METAP1D: variants seen among roughly 807,000 people sequenced by gnomAD.
METAP1D encodes methionine aminopeptidase 1D, mitochondrial.
METAP1D carries 31 observed loss-of-function variants against 40.5 expected under a neutral mutation model. The observed-to-expected ratio is 0.77, with a 90% CI of 0.58 to 1.03. The LOEUF (loss-of-function observed/expected upper bound fraction) is 1.03. Ranked by LOEUF, METAP1D falls within the 50% of genes least tolerant of loss-of-function variation. The pLI is 0.00. For synonymous variants in METAP1D, 151 were observed against 146.4 expected (o/e 1.03, Z -0.22); for missense variants, 411 against 420.7 (o/e 0.98, Z 0.20).
At position 172,036,415 on chromosome 2, in the gene METAP1D, A is replaced by G. The variant is rs373166472; in HGVS notation, c.41-25083A>G. Among the ~76,000 whole-genome samples the G allele has an allele frequency of 2.1e-3, 309 of 146,936 alleles. 1 individual carries two copies. Among genetic ancestry groups the G allele is most frequent in the South Asian group, 0.018 (83 of 4,516 alleles). ...CTTTTTTTTTTTGTCGCCCAGGCTG[A>G]AGTGCAGTGGCGTGATCTTGGCTCA... On this transcript the variant is annotated intron_variant, in intron 1 of 9. Coordinates refer to ENST00000315796, the MANE Select transcript of METAP1D (RefSeq NM_199227.3).
At position 172,081,857 on chromosome 2, in the gene METAP1D, A is replaced by G. The variant is rs1282979419; in HGVS notation, c.*1451A>G. 2.0e-5 allele frequency: 3 copies of G among 152,202 alleles called. No homozygotes were observed. The highest frequency in any genetic ancestry group is 2.9e-5 in the Non-Finnish European group (2 of 68,054). 9.4% of individuals were successfully genotyped at this position (152,202 alleles called of 1,614,324 possible). On this transcript the variant is annotated 3_prime_UTR_variant, in exon 10 of 10. Coordinates refer to ENST00000315796, the MANE Select transcript of METAP1D (RefSeq NM_199227.3). The stretch of plus-strand genomic sequence containing the variant: ...GGACTAAGAGCCAGCTCATCTTTGT[A>G]ACATTCATAATACGGGAAACTGAGG...
chr2:172,023,948 G>A (rs764818275), intron 1 of METAP1D, among the ~76,000 whole-genome samples: 25 of 150,426 alleles, frequency 1.7e-4, no homozygotes, highest in Non-Finnish European at 3.2e-4. Context: ...TCTGCCTCCT[G>A]GGTTCACGCC....
chr2:172,015,739 C>T (rs536915209), intron 1 of METAP1D, among the ~76,000 whole-genome samples: 12 of 152,030 alleles, frequency 7.9e-5, no homozygotes, highest in African/African-American at 1.9e-4. Context: ...ATGGGAGGAT[C>T]GCTTAAGGCC....
At chr2:172,065,550 A>T in intron 3 of METAP1D, 54 bp from the exon 4 acceptor site, 1 of 1,586,588 alleles carries the variant, frequency 6.3e-7, no homozygotes, top group South Asian at 1.1e-5. Context: ...TAGTTGATAA[A>T]TACAAGAAAT....
intron 1 of METAP1D, among the ~76,000 whole-genome samples, chr2:172,032,180 T>G (rs890218280): frequency 3.3e-5 from 5 of 152,208 alleles, no homozygotes; most frequent in African/African-American, 9.6e-5. Context: ...TCTTGTTACC[T>G]CTAATCTCCC....
chr2:172,002,552 C>G (rs1688491058), intron 1 of METAP1D, among the ~76,000 whole-genome samples: 1 of 152,086 alleles, frequency 6.6e-6, no homozygotes, highest in African/African-American at 2.4e-5. Context: ...CAAAGTGTTG[C>G]AACAACCAAG....
chr2:172,061,452 T>G, intron 1 of METAP1D, 46 bp from the exon 2 acceptor site: 2 of 1,530,828 alleles, frequency 1.3e-6, no homozygotes, highest in Non-Finnish European at 1.8e-6. Flanking sequence ...TGGAGGACTG[T>G]GTTAGGTTGT....
rs761499856 is a variant in METAP1D, at chr2:172,063,816, C to A, written c.304C>A (p.Gln102Lys). Reference sequence around the variant, plus strand: ...GATTCAAGGGCTTCATCAGGCTTGTCAGCTGGCCCGCCACGTCCTCCTCTT... The same window carrying A: ...GATTCAAGGGCTTCATCAGGCTTGTAAGCTGGCCCGCCACGTCCTCCTCTT... ...DQIQGLHQAC[Q>K]LARHVLLLAG... Residue 102 changes from glutamine to lysine, a missense_variant, in exon 3 of 10, where the codon CAG becomes AAG. Transcript: ENST00000315796. 1.4e-5 allele frequency: 22 copies of A among 1,614,022 alleles called. No homozygotes were observed. The highest frequency in any genetic ancestry group is 1.7e-5 in the Admixed American group (1 of 59,994).
intron 1 of METAP1D, among the ~76,000 whole-genome samples, chr2:172,027,316 C>A (rs1015728939): frequency 4.6e-5 from 7 of 152,136 alleles, no homozygotes; most frequent in African/African-American, 1.7e-4. Flanking sequence ...ATGGCAGGTC[C>A]CATAAGAATA....
rs574990905 is a variant in METAP1D at position 172,017,368 on chromosome 2, T to A, written c.40+17359T>A. 1.1e-3 allele frequency among the ~76,000 whole-genome samples: 169 copies of A among 147,328 alleles called. 2 individuals are homozygous for A. In the South Asian group the frequency reaches 0.013, roughly 11 times the overall value. On this transcript the variant is annotated intron_variant, in intron 1 of 9. Transcript: ENST00000315796. ...GTGTATATATAGGTATATATGTATA[T>A]ATATGTGTATATATATGTATATATG...
In METAP1D at chr2:172,080,556, T is replaced by G. The variant is rs1350940260; in HGVS notation, c.*150T>G. ...GCGTTTGGAAGAACGCGGGGGAGAC[T>G]GAAGAGCAACTGGGAACTCGGATCT... On this transcript the variant is annotated 3_prime_UTR_variant, in exon 10 of 10. Coordinates refer to ENST00000315796, the MANE Select transcript of METAP1D (RefSeq NM_199227.3). The G allele has an allele frequency of 1.3e-6, 1 of 773,282 alleles. No homozygotes were observed. Among genetic ancestry groups the G allele is most frequent in the Admixed American group, 2.4e-5 (1 of 42,382 alleles). 47.9% of individuals were successfully genotyped at this position (773,282 alleles called of 1,614,324 possible). A position where few individuals can be genotyped will look rare whatever the true frequency, so the allele number is the denominator to read the frequency against.
intron 1 of METAP1D, among the ~76,000 whole-genome samples, chr2:172,010,617 C>T (rs1010841829): frequency 6.6e-5 from 10 of 151,522 alleles, no homozygotes; most frequent in Non-Finnish European, 1.0e-4. Context: ...CTCAGCCCCC[C>T]GAGTGGCTGA....
At chr2:172,079,099 A>G (rs1690626560) in intron 7 of METAP1D, 116 bp from the exon 8 acceptor site, 1 of 1,022,714 alleles carries the variant, frequency 9.8e-7, no homozygotes, top group African/African-American at 1.6e-5. Flanking sequence ...TTCCTTCTCT[A>G]AAAGAAGAGA....
intron 1 of METAP1D, among the ~76,000 whole-genome samples, chr2:172,009,542 A>G (rs1005198062): frequency 3.3e-5 from 5 of 151,982 alleles, no homozygotes; most frequent in Non-Finnish European, 5.9e-5. Flanking sequence ...CTGAAAGTAT[A>G]TGAAACGTCA....
chr2:172,009,418 C>T (rs1372136318), intron 1 of METAP1D, among the ~76,000 whole-genome samples: 1 of 151,374 alleles, frequency 6.6e-6, no homozygotes, highest in African/African-American at 2.4e-5. Flanking sequence ...AGGAGACTAC[C>T]GTAACAGGTT....
At chr2:172,062,597 G>A (rs1433967097) in intron 2 of METAP1D, among the ~76,000 whole-genome samples, 1 of 152,250 alleles carries the variant, frequency 6.6e-6, no homozygotes, top group East Asian at 1.9e-4. Flanking sequence ...ACAGAGCAGA[G>A]TGGAGACAAG....
At chr2:172,040,764 T>TTG (rs1689500500) in intron 1 of METAP1D, among the ~76,000 whole-genome samples, 1 of 148,024 alleles carries the variant, frequency 6.8e-6, no homozygotes, top group Non-Finnish European at 1.5e-5. Context: ...TTTTTTTTTT[T>TTG]GAGATGGAGT....
At position 172,030,078 on chromosome 2, in the gene METAP1D, T is replaced by TTTATTTATTTATTTATTTATTTATTTA. The variant is rs553826009; in HGVS notation, c.40+30071_40+30072insATTTATTTATTTATTTATTTATTTATT. On this transcript the variant is annotated intron_variant, in intron 1 of 9. Transcript: ENST00000315796. ...GCCTTTAAGCCTACATTTTATTTTA[T>TTTATTTATTTATTTATTTATTTATTTA]TTTATTTATTTATTTATTTATTTTT... Among the ~76,000 whole-genome samples the TTTATTTATTTATTTATTTATTTATTTA allele has an allele frequency of 3.5e-4, 53 of 149,862 alleles. 1 individual carries two copies. Among genetic ancestry groups the TTTATTTATTTATTTATTTATTTATTTA allele is most frequent in the Non-Finnish European group, 6.7e-4 (45 of 67,638 alleles).
intron 7 of METAP1D, among the ~76,000 whole-genome samples, chr2:172,078,441 CA>C (rs1266432703): frequency 1.3e-5 from 2 of 152,112 alleles, no homozygotes; most frequent in African/African-American, 4.8e-5. Context: ...AGTGAGAAGA[CA>C]GGGGTGGGCC....
Sources: gnomAD v4.1 joint callset for allele counts (sites outside exome capture counted in the v4.1 genomes callset) on GRCh38, gnomAD v4.1.1 for gene constraint, MANE v1.5 for transcripts, NCBI Gene and HGNC (gene_info 2026-07-23, HGNC 2026-07-21) for gene names.